Variants in LRP2BP observed in about 807,000 individuals in gnomAD.
LRP2BP encodes LRP2-binding protein.
Under a neutral mutation model 45.2 loss-of-function variants are expected in LRP2BP, and 38 were observed. The ratio of observed to expected loss-of-function variants is 0.84; its 90% CI spans 0.65 to 1.10. The LOEUF (loss-of-function observed/expected upper bound fraction) is 1.10, where lower values mean the gene tolerates loss of function less well. Ranked by LOEUF, LRP2BP falls within the 50% of genes least tolerant of loss-of-function variation. The probability of loss-of-function intolerance (pLI) is 0.00; values close to 1 mark genes in which losing one functional copy is unlikely to be tolerated. For missense variants in LRP2BP, 385 were observed against 418.9 expected (o/e 0.92, Z 0.71); for synonymous variants, 153 against 153.9 (o/e 0.99, Z 0.04).
At chr4:185,394,386 T>C (rs1460545771) in intron 1 of LRP2BP, among the ~76,000 whole-genome samples, 1 of 151,566 alleles carries the variant, frequency 6.6e-6, no homozygotes, top group Non-Finnish European at 1.5e-5. Flanking sequence ...GGCTCTGGAG[T>C]CAAACTGACT....
chr4:185,367,062 G>A lies in LRP2BP; in HGVS notation c.*118C>T. 1 of 898,036 alleles carries A rather than the reference G, an allele frequency of 1.1e-6. No individual in the cohort carries two copies. The highest frequency in any genetic ancestry group is 1.7e-6 in the Non-Finnish European group (1 of 577,642). The allele number at this position is 898,036 out of a possible 1,614,324, so 55.6% of individuals were successfully genotyped here. A position where few individuals can be genotyped will look rare whatever the true frequency, so the allele number is the denominator to read the frequency against. On this transcript the variant is annotated 3_prime_UTR_variant, in exon 9 of 9. Coordinates refer to ENST00000505916, the MANE Select transcript of LRP2BP (RefSeq NM_001377440.1). ...TCAAGAACGAAGTAACATGTCACCTGTAAAATACCCAGGATAGTGTAATTT... is the reference window on the plus strand; with the variant it reads ...TCAAGAACGAAGTAACATGTCACCTATAAAATACCCAGGATAGTGTAATTT...
At chr4:185,396,417 G>C (rs1174820070), upstream of LRP2BP, 2 of 153,408 alleles carry the variant, frequency 1.3e-5, no homozygotes, top group Admixed American at 1.3e-4. Flanking sequence ...CGAAACTCCC[G>C]CTTCTCCGTA....
rs1009848039 is a variant in LRP2BP at position 185,365,777 on chromosome 4, G to A, written c.*1403C>T. 1 of 151,948 alleles carries A rather than the reference G, an allele frequency of 6.6e-6. No homozygotes were observed. The highest frequency in any genetic ancestry group is 1.5e-5 in the Non-Finnish European group (1 of 67,980). The allele number at this position is 151,948 out of a possible 1,614,324, so 9.4% of individuals were successfully genotyped here. A position where few individuals can be genotyped will look rare whatever the true frequency, so the allele number is the denominator to read the frequency against. ...ACTAGTTGGGAATTTGGATCTTCAA[G>A]TGGTTGAAGGAATGTTACATGGGTG... On this transcript the variant is annotated 3_prime_UTR_variant, in exon 9 of 9. Coordinates refer to ENST00000505916, the MANE Select transcript of LRP2BP (RefSeq NM_001377440.1).
chr4:185,378,876 T>C (rs28609143), intron 1 of LRP2BP: 65,582 of 985,152 alleles, frequency 0.067, 3,399 homozygotes, highest in East Asian at 0.31. Flanking sequence ...TCCACTGTTA[T>C]GGCTTACTTT....
intron 1 of LRP2BP, among the ~76,000 whole-genome samples, chr4:185,383,999 T>C (rs1266842078): frequency 6.6e-6 from 1 of 152,226 alleles, no homozygotes. Flanking sequence ...CTGTTGCCCA[T>C]GAGTACAACT....
chr4:185,372,869 C>CA lies in LRP2BP; in HGVS notation c.789dup (p.Ala264CysfsTer8). 6.2e-7 allele frequency: 1 copy of CA among 1,605,470 alleles called. No individual in the cohort carries two copies. The highest frequency in any genetic ancestry group is 1.1e-5 in the South Asian group (1 of 90,800). The stretch of plus-strand genomic sequence containing the variant: ...AAAGACATTCACCTTTTGGAAAATG[C>CA]AACACACTTTGTAAAAAATTTCATC... On this transcript the variant is annotated frameshift_variant, in exon 7 of 9. Coordinates refer to ENST00000505916, the MANE Select transcript of LRP2BP (RefSeq NM_001377440.1). LOFTEE classifies it high-confidence loss of function.
intron 1 of LRP2BP, among the ~76,000 whole-genome samples, chr4:185,393,927 C>G (rs1327313782): frequency 6.6e-6 from 1 of 152,144 alleles, no homozygotes. Flanking sequence ...TTAAATAAAA[C>G]AGTTGTTTTT....
At position 185,372,976 on chromosome 4, in the gene LRP2BP, TC is replaced by T; in HGVS notation, c.682del (p.Glu228LysfsTer7). ...TTCTCTTAAGCACTGCAGGGCAGCT[TC>T]CGTATCCTGCCGGATGCCTTGTCCA... ...LYGQGIRQDT[E>X]AALQCLREAA... On this transcript the variant is annotated frameshift_variant, in exon 7 of 9. Transcript: ENST00000505916. LOFTEE classifies it high-confidence loss of function. 6.2e-7 allele frequency: 1 copy of T among 1,614,028 alleles called. No homozygotes were observed. The highest frequency in any genetic ancestry group is 8.5e-7 in the Non-Finnish European group (1 of 1,179,890).
chr4:185,396,027 T>G (rs1041884981), upstream of LRP2BP: 2 of 474,284 alleles, frequency 4.2e-6, no homozygotes, highest in African/African-American at 4.2e-5. Flanking sequence ...GGACAGCGGC[T>G]TCACCAGCCC....
chr4:185,394,243 A>T (rs2095495880), intron 1 of LRP2BP, among the ~76,000 whole-genome samples: 1 of 146,356 alleles, frequency 6.8e-6, no homozygotes, highest in Non-Finnish European at 1.5e-5. Context: ...TGGGCAAGAC[A>T]GCGAGATTGT....
chr4:185,396,746 G>A, upstream of LRP2BP: 1 of 667,002 alleles, frequency 1.5e-6, no homozygotes. Context: ...TTGAGGATTA[G>A]GCTGCTCGGG....
At position 185,393,717 on chromosome 4, in the gene LRP2BP, G is replaced by T. The variant is rs569543236; in HGVS notation, c.-22+1062C>A. 1.9e-4 allele frequency among the ~76,000 whole-genome samples: 29 copies of T among 151,912 alleles called. No individual in the cohort carries two copies. The East Asian group carries it at 4.7e-3, about 25-fold the overall frequency. On this transcript the variant is annotated intron_variant, in intron 1 of 8. Coordinates refer to ENST00000505916, the MANE Select transcript of LRP2BP (RefSeq NM_001377440.1). ...ATTTTTCTATTTTTAGTAGAGACGG[G>T]GTTTCACCATGTTGGCCATTCTGGT...
chr4:185,374,934 T>C (rs1450048363), intron 4 of LRP2BP, among the ~76,000 whole-genome samples: 2 of 152,104 alleles, frequency 1.3e-5, no homozygotes, highest in African/African-American at 4.8e-5. Flanking sequence ...TCATAGTTTG[T>C]ATCTAATATA....
chr4:185,375,786 G>T, intron 3 of LRP2BP, 60 bp from the exon 4 acceptor site: 3 of 1,090,814 alleles, frequency 2.8e-6, no homozygotes, highest in Non-Finnish European at 2.7e-6. Context: ...AATCCCAAAG[G>T]CACCAAGTGG....
intron 8 of LRP2BP, among the ~76,000 whole-genome samples, chr4:185,368,318 C>G (rs374596438): frequency 2.0e-4 from 31 of 152,304 alleles, no homozygotes; most frequent in Non-Finnish European, 3.8e-4. Context: ...CCCTGCCTGA[C>G]GGTGGCAGAG....
In LRP2BP at chr4:185,366,504, C is replaced by A. The variant is rs576055307; in HGVS notation, c.*676G>T. On this transcript the variant is annotated 3_prime_UTR_variant, in exon 9 of 9. Coordinates refer to ENST00000505916, the MANE Select transcript of LRP2BP (RefSeq NM_001377440.1). ...TTCTAAAGCAATGTCTTATAACCCA[C>A]TTTTTTGAAGTTTATATGTAATAAG... is the stretch of plus-strand genomic sequence containing the variant. 2.6e-5 allele frequency: 4 copies of A among 152,278 alleles called. 1 individual carries two copies. The South Asian group carries it at 8.3e-4, about 32-fold the overall frequency. 9.4% of individuals were successfully genotyped at this position (152,278 alleles called of 1,614,324 possible).
intron 6 of LRP2BP, 78 bp from the exon 7 acceptor site, chr4:185,373,157 C>T: frequency 7.6e-7 from 1 of 1,310,644 alleles, no homozygotes; most frequent in Non-Finnish European, 1.1e-6. Context: ...CAGAAAAGAA[C>T]TCTGTGTTTC....
Position 185,366,977 on chromosome 4 carries a change from CT to C in LRP2BP, c.*202del. 3.8e-6 allele frequency: 2 copies of C among 519,692 alleles called. No homozygotes were observed. Among genetic ancestry groups the C allele is most frequent in the Non-Finnish European group, 3.4e-6 (1 of 291,648 alleles). 32.2% of individuals were successfully genotyped at this position (519,692 alleles called of 1,614,324 possible). ...GGTAAGAGGTGGACCTCTGAGGACTCTTCCAGCAATTTGACCTTGTGTCTAG... is the reference window on the plus strand; with the variant it reads ...GGTAAGAGGTGGACCTCTGAGGACTCTCCAGCAATTTGACCTTGTGTCTAG... On this transcript the variant is annotated 3_prime_UTR_variant, in exon 9 of 9. Coordinates refer to ENST00000505916, the MANE Select transcript of LRP2BP (RefSeq NM_001377440.1).
intron 1 of LRP2BP, among the ~76,000 whole-genome samples, chr4:185,387,190 G>C (rs147408110): frequency 6.8e-6 from 1 of 147,046 alleles, no homozygotes; most frequent in East Asian, 1.9e-4. Context: ...CCGAGATTGC[G>C]CCCCCGCACT....
Sources: allele counts gnomAD v4.1 joint callset (sites outside exome capture counted in the v4.1 genomes callset), GRCh38; gene constraint gnomAD v4.1.1; transcripts MANE v1.5; gene names NCBI Gene and HGNC (gene_info 2026-07-23, HGNC 2026-07-21).